Variants in STPG2 observed in about 807,000 individuals in gnomAD.
STPG2 encodes the protein sperm tail PG-rich repeat containing 2.
A neutral mutation model predicts 54.2 loss-of-function variants in STPG2; 56 were observed. That is an observed-to-expected ratio of 1.03 (90% confidence interval 0.83 to 1.29). STPG2 has a LOEUF of 1.29. Ranked by LOEUF, STPG2 falls within the 50% of genes most tolerant of loss-of-function variation. The pLI is 0.00. For missense variants in STPG2, 596 were observed against 544.9 expected (o/e 1.09, Z -0.93); for synonymous variants, 200 against 181.8 (o/e 1.10, Z -0.81).
intron 7 of STPG2, among the ~76,000 whole-genome samples, chr4:97,950,681 C>A (rs910524428): frequency 6.6e-6 from 1 of 152,090 alleles, no homozygotes; most frequent in Non-Finnish European, 1.5e-5. Context: ...AGTGAAAGAC[C>A]AACTTCATCT....
chr4:97,921,113 T>A (rs1251175708), intron 8 of STPG2, among the ~76,000 whole-genome samples: 1 of 152,098 alleles, frequency 6.6e-6, no homozygotes, highest in Non-Finnish European at 1.5e-5. Flanking sequence ...TTTGTGTCAC[T>A]CCCATCCCCA....
At chr4:97,955,200 G>T (rs1368211846) in intron 7 of STPG2, among the ~76,000 whole-genome samples, 1 of 149,122 alleles carries the variant, frequency 6.7e-6, no homozygotes, top group Admixed American at 6.9e-5. Context: ...AAAAAAAGTT[G>T]TAATACAGAA....
At chr4:98,081,031 T>G (rs1738327298) in intron 5 of STPG2, among the ~76,000 whole-genome samples, 1 of 152,214 alleles carries the variant, frequency 6.6e-6, no homozygotes, top group African/African-American at 2.4e-5. Flanking sequence ...GTCCTGCCTC[T>G]CAAAGCTGCT....
chr4:97,681,854 G>A (rs1304727308), intron 10 of STPG2, among the ~76,000 whole-genome samples: 2 of 151,692 alleles, frequency 1.3e-5, no homozygotes, highest in African/African-American at 4.8e-5. Flanking sequence ...ATCACATAAT[G>A]ATCTGCACAC....
intron 7 of STPG2, among the ~76,000 whole-genome samples, chr4:97,949,662 A>G (rs1733391612): frequency 6.6e-6 from 1 of 152,050 alleles, no homozygotes; most frequent in African/African-American, 2.4e-5. Flanking sequence ...GCTGGATACA[A>G]AATTTTTGGC....
chr4:97,773,073 C>T (rs762411280), intron 9 of STPG2, among the ~76,000 whole-genome samples: 3 of 152,134 alleles, frequency 2.0e-5, no homozygotes, highest in Non-Finnish European at 4.4e-5. Flanking sequence ...TATCATCACT[C>T]CTTTTATATT....
intron 3 of STPG2, among the ~76,000 whole-genome samples, chr4:98,112,185 C>A (rs1011347604): frequency 1.3e-5 from 2 of 152,078 alleles, no homozygotes; most frequent in African/African-American, 4.8e-5. Flanking sequence ...GCATATATGA[C>A]AATGGACCAG....
intron 4 of STPG2, among the ~76,000 whole-genome samples, chr4:97,488,230 G>A (rs1730419531): frequency 1.3e-5 from 2 of 151,598 alleles, no homozygotes; most frequent in Non-Finnish European, 3.0e-5. Flanking sequence ...TACCTTAAGA[G>A]AAAAATCAAG....
chr4:98,048,376 A>C (rs963231215), intron 5 of STPG2, among the ~76,000 whole-genome samples: 1 of 152,262 alleles, frequency 6.6e-6, no homozygotes, highest in Non-Finnish European at 1.5e-5. Context: ...TCTGAAGAAC[A>C]AAGTTTATCT....
intron 9 of STPG2, among the ~76,000 whole-genome samples, chr4:97,767,480 C>G (rs1030581069): frequency 6.6e-6 from 1 of 151,974 alleles, no homozygotes; most frequent in African/African-American, 2.4e-5. Flanking sequence ...AAACTGGCTT[C>G]TATTAGAGTT....
At chr4:98,054,016 CT>C (rs1338163349) in intron 5 of STPG2, among the ~76,000 whole-genome samples, 1 of 152,070 alleles carries the variant, frequency 6.6e-6, no homozygotes, top group Non-Finnish European at 1.5e-5. Context: ...CCTGAAGCCT[CT>C]AACTTCTGGC....
At chr4:97,850,362 AAAAAAAG>A (rs1430923505) in intron 8 of STPG2, among the ~76,000 whole-genome samples, 2 of 151,174 alleles carry the variant, frequency 1.3e-5, no homozygotes, top group Non-Finnish European at 3.0e-5. Context: ...GACAAAGAGC[AAAAAAAG>A]AAAAAAGAAA....
At chr4:97,865,704 G>C (rs1243345392) in intron 8 of STPG2, among the ~76,000 whole-genome samples, 4 of 151,892 alleles carry the variant, frequency 2.6e-5, no homozygotes, top group Admixed American at 6.6e-5. Flanking sequence ...CCTGTTGTGG[G>C]GTAGGGTGAG....
At chr4:97,627,228 T>C (rs1734158048) in intron 10 of STPG2, among the ~76,000 whole-genome samples, 3 of 152,104 alleles carry the variant, frequency 2.0e-5, no homozygotes, top group Admixed American at 2.0e-4. Flanking sequence ...ATTTGGAGAA[T>C]TTAAGAACAT....
chr4:97,909,579 G>T (rs1179897929), intron 8 of STPG2, among the ~76,000 whole-genome samples: 1 of 152,044 alleles, frequency 6.6e-6, no homozygotes, highest in Non-Finnish European at 1.5e-5. Context: ...AGTAAATAGT[G>T]CTGTGACATA....
chr4:97,505,250 T>G (rs1730819189), intron 4 of STPG2, among the ~76,000 whole-genome samples: 1 of 151,940 alleles, frequency 6.6e-6, no homozygotes, highest in Admixed American at 6.6e-5. Flanking sequence ...ATGACTCAAA[T>G]CACCCCAAAT....
At chr4:97,971,472 A>C (rs1180522703) in intron 7 of STPG2, among the ~76,000 whole-genome samples, 1 of 152,234 alleles carries the variant, frequency 6.6e-6, no homozygotes, top group Non-Finnish European at 1.5e-5. Flanking sequence ...CTATGCAGCC[A>C]TAAAAAAGGA....
At chr4:97,563,402 T>A (rs1732317619) in intron 10 of STPG2, among the ~76,000 whole-genome samples, 1 of 152,182 alleles carries the variant, frequency 6.6e-6, no homozygotes, top group Admixed American at 6.5e-5. Context: ...CCTGGATTCA[T>A]TACTTTTTTG....
intron 9 of STPG2, among the ~76,000 whole-genome samples, chr4:97,755,766 G>GACC (rs1346984117): frequency 6.6e-6 from 1 of 152,138 alleles, no homozygotes; most frequent in Non-Finnish European, 1.5e-5. Flanking sequence ...CTTAGAAGAT[G>GACC]ACCCTCTATG....
Sources: allele counts gnomAD v4.1 joint callset (sites outside exome capture counted in the v4.1 genomes callset), GRCh38; gene constraint gnomAD v4.1.1; transcripts MANE v1.5; gene names NCBI Gene and HGNC (gene_info 2026-07-23, HGNC 2026-07-21).